Variants in OTUD7A observed in about 807,000 individuals in gnomAD.
OTUD7A encodes the protein OTU domain-containing protein 7A.
OTUD7A carries 12 observed loss-of-function variants against 65.7 expected under a neutral mutation model. The ratio of observed to expected loss-of-function variants is 0.18; its 90% CI spans 0.12 to 0.30. The LOEUF (loss-of-function observed/expected upper bound fraction) is 0.30, where lower values mean the gene tolerates loss of function less well. Among genes scored for constraint, OTUD7A ranks in the 10% least tolerant of loss-of-function variants. The probability of loss-of-function intolerance (pLI) is 1.00; values close to 1 mark genes in which losing one functional copy is unlikely to be tolerated. For synonymous variants in OTUD7A, 641 were observed against 586.3 expected, an observed-to-expected ratio of 1.09 and a Z score of -1.35; for missense variants, 1,148 against 1,304.8, an observed-to-expected ratio of 0.88 and a Z score of 1.85.
At chr15:31,610,731 C>T (rs1309260112) in intron 3 of OTUD7A, among the ~76,000 whole-genome samples, 5 of 147,244 alleles carry the variant, frequency 3.4e-5, no homozygotes, top group Admixed American at 7.0e-5. Context: ...ACGCCATTCT[C>T]CTGCCTCAGC....
At chr15:31,582,128 C>G (rs548045236) in intron 3 of OTUD7A, among the ~76,000 whole-genome samples, 1 of 152,144 alleles carries the variant, frequency 6.6e-6, no homozygotes, top group Non-Finnish European at 1.5e-5. Flanking sequence ...CTCTAGTGCA[C>G]GGGCAAAAAG....
chr15:31,500,840 G>A (rs1270958759), intron 10 of OTUD7A, among the ~76,000 whole-genome samples: 4 of 152,356 alleles, frequency 2.6e-5, no homozygotes, highest in South Asian at 2.1e-4. Flanking sequence ...TTGCCTGTCC[G>A]TCTGTCCCCT....
chr15:31,586,014 C>A (rs1444872580), intron 3 of OTUD7A, among the ~76,000 whole-genome samples: 2 of 152,142 alleles, frequency 1.3e-5, no homozygotes, highest in Non-Finnish European at 2.9e-5. Flanking sequence ...AGAAGAAAGG[C>A]AGGTAGGGTC....
At chr15:31,553,794 G>A (rs551483719) in intron 5 of OTUD7A, among the ~76,000 whole-genome samples, 5 of 151,936 alleles carry the variant, frequency 3.3e-5, no homozygotes, top group Non-Finnish European at 7.4e-5. Context: ...CCTGCCAGCC[G>A]TCTCTCTCTG....
In OTUD7A at chr15:31,530,803, G is replaced by A; in HGVS notation, c.556C>T (p.Leu186=). 1.2e-6 allele frequency: 2 copies of A among 1,613,608 alleles called. No homozygotes were observed. Among genetic ancestry groups the A allele is most frequent in the Middle Eastern group, 3.3e-4 (2 of 6,060 alleles). ...GTGCACACAGTGGACCACCAGTTCAGGCGACCTGGAAAAGAAGCTCACTTT... is the reference window on the plus strand; with the variant it reads ...GTGCACACAGTGGACCACCAGTTCAAGCGACCTGGAAAAGAAGCTCACTTT... The part of the protein sequence containing the change: ...TMVALEQAGR[L]NWWSTVCTSC... Residue 186 remains leucine (L), a synonymous_variant, in exon 6 of 13, where the codon CTG becomes TTG. Transcript: ENST00000307050.
intron 3 of OTUD7A, among the ~76,000 whole-genome samples, chr15:31,571,098 T>G (rs1889040799): frequency 6.6e-6 from 1 of 152,204 alleles, no homozygotes; most frequent in African/African-American, 2.4e-5. Context: ...TTAGCCAGAT[T>G]TGATCATTAT....
At chr15:31,838,901 C>G (rs1426375670) in intron 1 of OTUD7A, among the ~76,000 whole-genome samples, 2 of 152,210 alleles carry the variant, frequency 1.3e-5, no homozygotes, top group East Asian at 3.9e-4. Context: ...TCAGAGAGAC[C>G]TTTGCCAAAT....
chr15:31,787,928 A>G (rs1200878900), intron 1 of OTUD7A, among the ~76,000 whole-genome samples: 1 of 152,212 alleles, frequency 6.6e-6, no homozygotes, highest in African/African-American at 2.4e-5. Flanking sequence ...GTTTAACATC[A>G]AAGAATTTGT....
At chr15:31,675,492 A>G (rs890413043) in intron 1 of OTUD7A, among the ~76,000 whole-genome samples, 12 of 152,212 alleles carry the variant, frequency 7.9e-5, no homozygotes, top group African/African-American at 2.9e-4. Context: ...GCCCACAGTT[A>G]TTCATTATAC....
intron 3 of OTUD7A, among the ~76,000 whole-genome samples, chr15:31,630,911 C>T (rs1191142167): frequency 1.2e-4 from 18 of 152,366 alleles, no homozygotes; most frequent in African/African-American, 4.1e-4. Context: ...GATTGCAACC[C>T]CTGCCTTTTT....
intron 10 of OTUD7A, among the ~76,000 whole-genome samples, chr15:31,501,042 C>A (rs1179836100): frequency 6.6e-6 from 1 of 152,276 alleles, no homozygotes; most frequent in Non-Finnish European, 1.5e-5. Context: ...AGCCTGTGGG[C>A]TGGCCCAACA....
chr15:31,669,126 G>A (rs921979460), intron 1 of OTUD7A, among the ~76,000 whole-genome samples: 1 of 152,190 alleles, frequency 6.6e-6, no homozygotes, highest in African/African-American at 2.4e-5. Context: ...GTGATGGTTG[G>A]CCACCTGCCA....
At chr15:31,745,395 G>A (rs985135450) in intron 1 of OTUD7A, among the ~76,000 whole-genome samples, 9 of 152,072 alleles carry the variant, frequency 5.9e-5, no homozygotes, top group Non-Finnish European at 1.2e-4. Flanking sequence ...ACAAAATACA[G>A]GAGAGCTAGA....
chr15:31,856,859 G>A (rs924376403), intron 1 of OTUD7A, among the ~76,000 whole-genome samples: 5 of 152,202 alleles, frequency 3.3e-5, no homozygotes, highest in Admixed American at 6.5e-5. Context: ...TTTCGCAGCC[G>A]GGAGCATCAC....
chr15:31,527,637 C>T (rs2042032686), intron 6 of OTUD7A, among the ~76,000 whole-genome samples: 1 of 152,228 alleles, frequency 6.6e-6, no homozygotes, highest in African/African-American at 2.4e-5. Context: ...TCAAGTCTTA[C>T]ATTTGGGTGG....
intron 1 of OTUD7A, among the ~76,000 whole-genome samples, chr15:31,771,511 G>A (rs771985475): frequency 1.3e-5 from 2 of 152,136 alleles, no homozygotes; most frequent in African/African-American, 4.8e-5. Flanking sequence ...CAATTCACCA[G>A]TGATGCCAGT....
At chr15:31,751,431 A>C (rs1894632948) in intron 1 of OTUD7A, among the ~76,000 whole-genome samples, 1 of 151,662 alleles carries the variant, frequency 6.6e-6, no homozygotes, top group African/African-American at 2.4e-5. Flanking sequence ...CAGTGAGGCT[A>C]CAGAGAAAAG....
chr15:31,806,394 G>A (rs1896271236), intron 1 of OTUD7A, among the ~76,000 whole-genome samples: 1 of 152,212 alleles, frequency 6.6e-6, no homozygotes, highest in Admixed American at 6.5e-5. Flanking sequence ...TTTAAGAAGA[G>A]ATCATCCAAG....
intron 1 of OTUD7A, among the ~76,000 whole-genome samples, chr15:31,732,683 C>T (rs926073344): frequency 6.6e-6 from 1 of 152,202 alleles, no homozygotes; most frequent in African/African-American, 2.4e-5. Flanking sequence ...CATCGCACTC[C>T]AGAAAATATT....
Sources: allele counts gnomAD v4.1 joint callset (sites outside exome capture counted in the v4.1 genomes callset), GRCh38; gene constraint gnomAD v4.1.1; transcripts MANE v1.5; gene names NCBI Gene and HGNC (gene_info 2026-07-23, HGNC 2026-07-21).